ARG1: variants seen among roughly 807,000 people sequenced by gnomAD.
The protein encoded by ARG1 is arginase-1.
Under a neutral mutation model 33.0 loss-of-function variants are expected in ARG1, and 20 were observed. The ratio of observed to expected loss-of-function variants is 0.61; its 90% CI spans 0.43 to 0.88. The LOEUF is 0.88. Ranked by LOEUF, ARG1 falls within the 40% of genes least tolerant of loss-of-function variation. The pLI, the probability that ARG1 is intolerant of heterozygous loss-of-function variation, is 0.00. For synonymous variants in ARG1, 146 were observed against 140.6 expected (o/e 1.04, Z -0.27); for missense variants, 374 against 384.7 (o/e 0.97, Z 0.23).
chr6:131,573,476 C>T lies in ARG1; in HGVS notation c.57+137C>T, dbSNP rs139165092. The T allele has an allele frequency of 9.8e-6, 8 of 815,566 alleles. No homozygotes were observed. The East Asian group carries it at 2.1e-4, about 21-fold the overall frequency. 50.5% of individuals were successfully genotyped at this position (815,566 alleles called of 1,614,324 possible). A position where few individuals can be genotyped will look rare whatever the true frequency, so the allele number is the denominator to read the frequency against. On this transcript the variant is annotated intron_variant, in intron 1 of 7. Transcript: ENST00000368087. ...CAGGAAATGCATATTTTAAAGTCCT[C>T]TCACCATTTTCCAACATTGTATAAT...
At chr6:131,574,098 AAG>A in intron 1 of ARG1, 2 of 696,340 alleles carry the variant, frequency 2.9e-6, no homozygotes, top group Non-Finnish European at 5.2e-6. Flanking sequence ...TATTCTAGTA[AAG>A]AGAGTGTGAT....
intron 7 of ARG1, 84 bp downstream of exon 7, chr6:131,583,575 C>T (rs1383329988): frequency 1.1e-5 from 18 of 1,568,010 alleles, no homozygotes; most frequent in Non-Finnish European, 1.4e-5. Context: ...AAACCAAGTC[C>T]CAGCTGACAC....
At chr6:131,579,526 G>T in intron 3 of ARG1, 2 of 371,538 alleles carry the variant, frequency 5.4e-6, no homozygotes, top group Non-Finnish European at 9.8e-6. Context: ...AAATATGAAT[G>T]GATTTCATCT....
chr6:131,579,313 A>G, intron 3 of ARG1, 28 bp downstream of exon 3: 1 of 1,611,944 alleles, frequency 6.2e-7, no homozygotes, highest in Non-Finnish European at 8.5e-7. Flanking sequence ...TGTCTATGGG[A>G]ATCTGGCACA....
Position 131,583,118 on chromosome 6 carries a change from G to A in ARG1, c.619G>A (p.Gly207Arg), listed in dbSNP as rs1218958661. The part of the protein sequence containing the change: ...YFSMTEVDRL[G>R]IGKVMEETLS... Reference sequence around the variant, plus strand: ...TTCAATGACTGAAGTGGACAGACTAGGAATTGGCAAGGTGATGGAAGAAAC... The same window carrying A: ...TTCAATGACTGAAGTGGACAGACTAAGAATTGGCAAGGTGATGGAAGAAAC... The change falls in exon 6 of 8, where the codon GGA becomes AGA. Residue 207 changes from glycine (G) to arginine (R), a missense_variant. Transcript: ENST00000368087. The A allele has an allele frequency of 6.2e-7, 1 of 1,613,974 alleles. No individual in the cohort carries two copies. Among genetic ancestry groups the A allele is most frequent in the Admixed American group, 1.7e-5 (1 of 60,016 alleles).
intron 1 of ARG1, among the ~76,000 whole-genome samples, chr6:131,576,288 A>G (rs1773609192): frequency 6.6e-6 from 1 of 152,198 alleles, no homozygotes; most frequent in African/African-American, 2.4e-5. Flanking sequence ...CCTTTTCATT[A>G]TTGGATCTCA....
intron 4 of ARG1, 84 bp downstream of exon 4, chr6:131,581,462 G>C: frequency 7.1e-7 from 1 of 1,407,910 alleles, no homozygotes; most frequent in Non-Finnish European, 9.8e-7. Flanking sequence ...GAAACTCCAT[G>C]TTATCTTATT....
intron 1 of ARG1, among the ~76,000 whole-genome samples, chr6:131,574,933 C>T (rs1327364757): frequency 1.3e-5 from 2 of 152,152 alleles, no homozygotes; most frequent in Non-Finnish European, 1.5e-5. Flanking sequence ...GATTCCAATG[C>T]CTATGCCCTT....
chr6:131,580,844 A>G (rs1377756743), intron 3 of ARG1, among the ~76,000 whole-genome samples: 3 of 152,208 alleles, frequency 2.0e-5, no homozygotes, highest in Admixed American at 2.0e-4. Context: ...AGTGTACAGA[A>G]AATGATCCAA....
chr6:131,579,098 TTTTTAA>T lies in ARG1; in HGVS notation c.131-7_131-2del, dbSNP rs768972828. 11 of 1,613,842 alleles carry T rather than the reference TTTTTAA, an allele frequency of 6.8e-6. No individual in the cohort carries two copies. Among genetic ancestry groups the T allele is most frequent in the Non-Finnish European group, 9.3e-6 (11 of 1,179,904 alleles). The stretch of plus-strand genomic sequence containing the variant: ...ACTTTTTAATTTAGTAACTCAAAAC[TTTTTAA>T]TTTTAGAGTGTGATGTGAAGGATTA... On this transcript the variant is annotated splice_region_variant and splice_polypyrimidine_tract_variant and intron_variant, in intron 2 of 7. Transcript: ENST00000368087.
intron 5 of ARG1, 26 bp downstream of exon 5, chr6:131,582,741 G>A (rs368493607): frequency 1.2e-6 from 2 of 1,606,566 alleles, no homozygotes; most frequent in African/African-American, 2.7e-5. Context: ...GATGTGATTT[G>A]CCTCCATTTT....
In ARG1 at chr6:131,576,663, C is replaced by G; in HGVS notation, c.58C>G (p.Pro20Ala). 1.9e-6 allele frequency: 3 copies of G among 1,613,592 alleles called. No individual in the cohort carries two copies. The highest frequency in any genetic ancestry group is 1.1e-5 in the South Asian group (1 of 91,072). Residue 20 changes from proline to alanine, a missense_variant and splice_region_variant, in exon 2 of 8, where the codon CCA (proline) becomes GCA (alanine). By Grantham distance (27) the Pro-to-Ala change is conservative. Transcript: ENST00000368087. ...AGTACTTTATTTTTTAATTGTTCAG[C>G]CACGAGGAGGGGTGGAAGAAGGCCC... ...IIGAPFSKGQ[P>A]RGGVEEGPTV...
In ARG1 at chr6:131,579,210, G is replaced by A. The variant is rs1296916689; in HGVS notation, c.230G>A (p.Ser77Asn). The A allele has an allele frequency of 8.7e-6, 14 of 1,614,024 alleles. No homozygotes were observed. The highest frequency in any genetic ancestry group is 1.1e-5 in the Non-Finnish European group (13 of 1,180,042). The part of the protein sequence containing the change: ...VKNPRSVGKA[S>N]EQLAGKVAEV... The stretch of plus-strand genomic sequence containing the variant: ...AATCCAAGGTCTGTGGGAAAAGCAA[G>A]CGAGCAGCTGGCTGGCAAGGTGGCA... The change falls in exon 3 of 8, where the codon AGC becomes AAC. Residue 77 changes from serine to asparagine, a missense_variant. Transcript: ENST00000368087.
intron 3 of ARG1, among the ~76,000 whole-genome samples, chr6:131,580,058 AAAT>A (rs1202435030): frequency 2.0e-5 from 3 of 152,184 alleles, no homozygotes; most frequent in Admixed American, 6.5e-5. Context: ...TCACCATTAC[AAAT>A]AATGTGGCAA....
At position 131,574,115 on chromosome 6, in the gene ARG1, G is replaced by A. The variant is rs537670623; in HGVS notation, c.57+776G>A. 66 of 756,838 alleles carry A rather than the reference G, an allele frequency of 8.7e-5. 1 individual carries two copies. Among genetic ancestry groups the A allele is most frequent in the South Asian group, 6.0e-4 (40 of 66,280 alleles). The allele number at this position is 756,838 out of a possible 1,614,324, so 46.9% of individuals were successfully genotyped here. A position where few individuals can be genotyped will look rare whatever the true frequency, so the allele number is the denominator to read the frequency against. On this transcript the variant is annotated intron_variant, in intron 1 of 7. Transcript: ENST00000368087. ...TTCTAGTAAAGAGAGTGTGATGACA[G>A]AACACCTTAGACTTCAACACGCATC... is the stretch of plus-strand genomic sequence containing the variant.
chr6:131,573,373 A>G (rs768686705), intron 1 of ARG1, 34 bp downstream of exon 1: 2 of 1,610,642 alleles, frequency 1.2e-6, no homozygotes, highest in Non-Finnish European at 1.7e-6. Flanking sequence ...AATTCCTGGA[A>G]TTTAGTTGAA....
chr6:131,577,413 A>G (rs1401375317), intron 2 of ARG1, among the ~76,000 whole-genome samples: 1 of 152,162 alleles, frequency 6.6e-6, no homozygotes, highest in African/African-American at 2.4e-5. Context: ...GAGAAGTACA[A>G]CTACAAACAT....
intron 4 of ARG1, 24 bp downstream of exon 4, chr6:131,581,402 G>A: frequency 1.2e-6 from 2 of 1,603,208 alleles, no homozygotes; most frequent in African/African-American, 1.3e-5. Context: ...TGGTACTCTA[G>A]TGCAATAGAA....
chr6:131,579,302 G>C lies in ARG1; in HGVS notation c.305+17G>C. Reference sequence around the variant, plus strand: ...AGACCACAGGTCTTGTTGAATAACTGTGTCTATGGGAATCTGGCACAAAGG... The same window carrying C: ...AGACCACAGGTCTTGTTGAATAACTCTGTCTATGGGAATCTGGCACAAAGG... On this transcript the variant is annotated intron_variant, in intron 3 of 7. Coordinates refer to ENST00000368087, the MANE Select transcript of ARG1 (RefSeq NM_000045.4). The C allele has an allele frequency of 6.2e-7, 1 of 1,613,552 alleles. No homozygotes were observed. The highest frequency in any genetic ancestry group is 8.5e-7 in the Non-Finnish European group (1 of 1,179,734).
Sources: gnomAD v4.1 joint callset for allele counts (sites outside exome capture counted in the v4.1 genomes callset) on GRCh38, gnomAD v4.1.1 for gene constraint, MANE v1.5 for transcripts, NCBI Gene and HGNC (gene_info 2026-07-23, HGNC 2026-07-21) for gene names.